The following FBN3 variants were observed in gnomAD, a reference collection of about 807,000 sequenced individuals.
FBN3 encodes fibrillin 3.
A neutral mutation model predicts 330.1 loss-of-function variants in FBN3; 234 were observed. The observed-to-expected ratio is 0.71, with a 90% CI of 0.64 to 0.79. The LOEUF (loss-of-function observed/expected upper bound fraction) is 0.79. Ranked by LOEUF, FBN3 falls within the 30% of genes least tolerant of loss-of-function variation. The pLI is 0.00. For missense variants in FBN3, 3,606 were observed against 3,886.9 expected, an observed-to-expected ratio of 0.93 and a Z score of 1.92; for synonymous variants, 1,458 against 1,517.3, an observed-to-expected ratio of 0.96 and a Z score of 0.91.
Position 8,141,174 on chromosome 19 carries a change from G to A in FBN3, c.865+543C>T, listed in dbSNP as rs1293561300. Among the ~76,000 whole-genome samples, 211 of 121,552 alleles carry A rather than the reference G, an allele frequency of 1.7e-3. 1 individual carries two copies. The highest frequency in any genetic ancestry group is 6.1e-3 in the African/African-American group (191 of 31,252). 79.7% of individuals were successfully genotyped at this position (121,552 alleles called of 152,430 possible). On this transcript the variant is annotated intron_variant, in intron 8 of 63. Coordinates refer to ENST00000600128, the MANE Select transcript of FBN3 (RefSeq NM_032447.5). ...CGCGCCACTGCACTCCAGCCTGGGC[G>A]ACAGAGCGAGACTCCGTCTCAAAAA...
intron 30 of FBN3, among the ~76,000 whole-genome samples, chr19:8,114,958 T>TC (rs1182630197): frequency 6.6e-6 from 1 of 152,108 alleles, no homozygotes; most frequent in Admixed American, 6.6e-5. Flanking sequence ...CACCTCTGCC[T>TC]CCCGGGTTCA....
intron 18 of FBN3, 122 bp from the exon 19 acceptor site, chr19:8,126,954 C>G: frequency 9.1e-7 from 1 of 1,097,742 alleles, no homozygotes; most frequent in Non-Finnish European, 1.3e-6. Context: ...GATGCACAAG[C>G]ATGCAGAGGG....
intron 26 of FBN3, 129 bp from the exon 27 acceptor site, chr19:8,117,718 G>A (rs571121795): frequency 1.4e-4 from 151 of 1,087,120 alleles, no homozygotes; most frequent in Non-Finnish European, 1.7e-4. Flanking sequence ...CCCCGCATGT[G>A]CCTATCCGTA....
chr19:8,122,731 C>G (rs1384998866), intron 24 of FBN3, among the ~76,000 whole-genome samples: 1 of 150,936 alleles, frequency 6.6e-6, no homozygotes, highest in Non-Finnish European at 1.5e-5. Flanking sequence ...GTGGCATGAT[C>G]TCAGCTCACT....
At position 8,065,704 on chromosome 19, in the gene FBN3, G is replaced by A. The variant is rs2081374402; in HGVS notation, c.*215C>T. The A allele has an allele frequency of 3.6e-6, 2 of 548,992 alleles. No homozygotes were observed. The highest frequency in any genetic ancestry group is 6.9e-5 in the Admixed American group (2 of 29,048). 34.0% of individuals were successfully genotyped at this position (548,992 alleles called of 1,614,324 possible). On this transcript the variant is annotated 3_prime_UTR_variant, in exon 64 of 64. Transcript: ENST00000600128. Reference sequence around the variant, plus strand: ...GGGGGATTGCACATTGCAGCTTCTTGCTGTCTCCAGGAAAGACTGAGTAAC... The same window carrying A: ...GGGGGATTGCACATTGCAGCTTCTTACTGTCTCCAGGAAAGACTGAGTAAC...
chr19:8,074,988 C>T, intron 61 of FBN3, 83 bp downstream of exon 61: 1 of 1,512,008 alleles, frequency 6.6e-7, no homozygotes, highest in Non-Finnish European at 8.9e-7. Flanking sequence ...GTCACATCAT[C>T]TTGCAGGGTG....
intron 24 of FBN3, among the ~76,000 whole-genome samples, chr19:8,122,196 G>A (rs2082868380): frequency 6.6e-6 from 1 of 151,778 alleles, no homozygotes; most frequent in Admixed American, 6.6e-5. Flanking sequence ...TTTATTTTTT[G>A]CAGAGATGGA....
At chr19:8,077,612 C>T (rs11880798) in intron 59 of FBN3, among the ~76,000 whole-genome samples, 21,304 of 152,142 alleles carry the variant, frequency 0.14, 1,768 homozygotes, top group Non-Finnish European at 0.19. Context: ...GCGCTCCAGC[C>T]TGGGCGACAG....
In FBN3 at chr19:8,123,886, C is replaced by T. The variant is rs143379232; in HGVS notation, c.2854G>A (p.Glu952Lys). 85 of 1,613,646 alleles carry T rather than the reference C, an allele frequency of 5.3e-5. No homozygotes were observed. The highest frequency in any genetic ancestry group is 9.9e-5 in the South Asian group (9 of 91,088). The change falls in exon 23 of 64, where the codon GAG becomes AAG. Residue 952 changes from glutamate to lysine, a missense_variant. Coordinates refer to ENST00000600128, the MANE Select transcript of FBN3 (RefSeq NM_032447.5). ...AGAGACTCGGGATCCGGGCAGGCCTCGCACTCGACTCCCCACACGGCCCCG... is the reference window on the plus strand; with the variant it reads ...AGAGACTCGGGATCCGGGCAGGCCTTGCACTCGACTCCCCACACGGCCCCG... Reference protein sequence around the residue: ...SIGAVWGVECEACPDPESLEF... With the variant: ...SIGAVWGVECKACPDPESLEF...
chr19:8,118,315 C>T (rs1413037013), intron 26 of FBN3, among the ~76,000 whole-genome samples: 1 of 151,964 alleles, frequency 6.6e-6, no homozygotes, highest in East Asian at 1.9e-4. Flanking sequence ...CAGAAATTAG[C>T]CAGGCATAGT....
chr19:8,092,097 G>A (rs915741212), intron 47 of FBN3, among the ~76,000 whole-genome samples: 1 of 151,926 alleles, frequency 6.6e-6, no homozygotes, highest in African/African-American at 2.4e-5. Flanking sequence ...AGAATGGCAT[G>A]AACCCGGGAG....
At chr19:8,101,194 G>A (rs1364807720) in intron 40 of FBN3, among the ~76,000 whole-genome samples, 3 of 152,022 alleles carry the variant, frequency 2.0e-5, no homozygotes, top group Admixed American at 1.3e-4. Context: ...GTGCAATCAC[G>A]GCTCACTGCA....
intron 13 of FBN3, among the ~76,000 whole-genome samples, chr19:8,134,375 A>G (rs1429844521): frequency 6.6e-6 from 1 of 152,246 alleles, no homozygotes; most frequent in Admixed American, 6.5e-5. Flanking sequence ...ATGGATCGAC[A>G]CACTGTGGTC....
intron 9 of FBN3, 35 bp from the exon 10 acceptor site, chr19:8,138,358 C>CCCT (rs752528393): frequency 1.2e-6 from 2 of 1,610,682 alleles, no homozygotes; most frequent in Non-Finnish European, 1.7e-6. Context: ...AGGCCCTTGG[C>CCCT]CCTCCCCTGT....
intron 19 of FBN3, 52 bp downstream of exon 19, chr19:8,126,660 TG>T (rs1362840689): frequency 1.9e-6 from 3 of 1,594,500 alleles, no homozygotes. Flanking sequence ...ACCTGCACCC[TG>T]ACCCATAGAC....
At chr19:8,083,458 G>T in intron 56 of FBN3, 86 bp from the exon 57 acceptor site, 1 of 1,516,384 alleles carries the variant, frequency 6.6e-7, no homozygotes, top group Non-Finnish European at 9.0e-7. Flanking sequence ...CCCAGCAGCC[G>T]TCTCCTCGGA....
intron 54 of FBN3, 126 bp from the exon 55 acceptor site, chr19:8,086,451 T>C (rs577965967): frequency 7.2e-6 from 2 of 277,968 alleles, no homozygotes; most frequent in Non-Finnish European, 1.2e-5. Context: ...TTTATTTTTA[T>C]TATTATTATT....
At chr19:8,092,165 G>A (rs1314516113) in intron 47 of FBN3, among the ~76,000 whole-genome samples, 9 of 149,334 alleles carry the variant, frequency 6.0e-5, no homozygotes, top group East Asian at 2.0e-4. Context: ...GTGACAGAGC[G>A]AGACTCTGTC....
intron 63 of FBN3, among the ~76,000 whole-genome samples, chr19:8,070,349 C>T (rs2081484642): frequency 1.3e-5 from 2 of 152,092 alleles, no homozygotes; most frequent in East Asian, 1.9e-4. Flanking sequence ...GTGTGTCTCC[C>T]TTTTAGAATA....
Sources: allele counts gnomAD v4.1 joint callset (sites outside exome capture counted in the v4.1 genomes callset), GRCh38; gene constraint gnomAD v4.1.1; transcripts MANE v1.5; gene names NCBI Gene and HGNC (gene_info 2026-07-23, HGNC 2026-07-21).